Variants in SLIT3 observed in about 807,000 individuals in gnomAD.
The protein encoded by SLIT3 is slit guidance ligand 3, also known as slit homolog 3 protein.
Under a neutral mutation model 184.0 loss-of-function variants are expected in SLIT3, and 68 were observed. The ratio of observed to expected loss-of-function variants is 0.37; its 90% CI spans 0.30 to 0.45. The LOEUF (loss-of-function observed/expected upper bound fraction) is 0.45, where lower values mean the gene tolerates loss of function less well. SLIT3 is among the 20% of genes least tolerant of loss of function. The pLI, the probability that SLIT3 is intolerant of heterozygous loss-of-function variation, is 1.00. For synonymous variants in SLIT3, 831 were observed against 828.6 expected (o/e 1.00, Z -0.05); for missense variants, 1,707 against 2,026.0 (o/e 0.84, Z 3.02).
chr5:169,008,422 G>A (rs142527367), intron 4 of SLIT3, among the ~76,000 whole-genome samples: 2 of 152,284 alleles, frequency 1.3e-5, no homozygotes, highest in African/African-American at 2.4e-5. Context: ...CAGGGGTTTG[G>A]AGAAGAGGCC....
At chr5:169,035,259 T>C (rs1453254565) in intron 4 of SLIT3, among the ~76,000 whole-genome samples, 1 of 152,142 alleles carries the variant, frequency 6.6e-6, no homozygotes, top group Non-Finnish European at 1.5e-5. Flanking sequence ...TCTTGATCAA[T>C]AATATTAACA....
intron 4 of SLIT3, among the ~76,000 whole-genome samples, chr5:169,152,871 C>T (rs977115456): frequency 2.0e-5 from 3 of 152,190 alleles, no homozygotes; most frequent in African/African-American, 7.2e-5. Flanking sequence ...TAAGAACAGG[C>T]ACTCCCACCT....
chr5:169,113,898 C>T (rs1760543146), intron 4 of SLIT3, among the ~76,000 whole-genome samples: 2 of 152,080 alleles, frequency 1.3e-5, no homozygotes, highest in Admixed American at 1.3e-4. Flanking sequence ...TCGTCATCTG[C>T]CCGTCTCAGC....
chr5:169,193,720 G>T lies in SLIT3; in HGVS notation c.342-170C>A, dbSNP rs571720849. On this transcript the variant is annotated intron_variant, in intron 3 of 35. Transcript: ENST00000519560. ...GTAAGGTATATTCCCTGTTGGCGGGGCTTAGAGTCAGGTTGGGAATGCAAA... is the reference window on the plus strand; with the variant it reads ...GTAAGGTATATTCCCTGTTGGCGGGTCTTAGAGTCAGGTTGGGAATGCAAA... 5.9e-5 allele frequency among the ~76,000 whole-genome samples: 9 copies of T among 152,274 alleles called. No homozygotes were observed. The South Asian group carries it at 1.7e-3, about 28-fold the overall frequency.
intron 1 of SLIT3, among the ~76,000 whole-genome samples, chr5:169,282,723 G>A (rs1581136705): frequency 6.6e-6 from 1 of 152,278 alleles, no homozygotes; most frequent in Non-Finnish European, 1.5e-5. Context: ...AGCGATTCTG[G>A]TTCACCTTAA....
chr5:168,859,045 G>C (rs897016558), intron 5 of SLIT3, among the ~76,000 whole-genome samples: 4 of 152,186 alleles, frequency 2.6e-5, no homozygotes, highest in Non-Finnish European at 5.9e-5. Context: ...AGAGAAGTCT[G>C]AACCCACCTG....
chr5:168,896,257 T>G (rs1166318444), intron 4 of SLIT3, among the ~76,000 whole-genome samples: 1 of 152,182 alleles, frequency 6.6e-6, no homozygotes, highest in Non-Finnish European at 1.5e-5. Context: ...TGTCACTTGC[T>G]TGACTGGGCC....
chr5:169,233,764 G>T (rs912965565), intron 3 of SLIT3, among the ~76,000 whole-genome samples: 1 of 151,920 alleles, frequency 6.6e-6, no homozygotes, highest in Admixed American at 6.6e-5. Flanking sequence ...CTTTTTCCTT[G>T]GTTCTGTGGT....
intron 1 of SLIT3, among the ~76,000 whole-genome samples, chr5:169,276,745 G>A (rs747721794): frequency 6.6e-6 from 1 of 152,194 alleles, no homozygotes; most frequent in Non-Finnish European, 1.5e-5. Context: ...TCCCAGTAAG[G>A]CTTGACAAAA....
chr5:169,123,876 A>G (rs571483578), intron 4 of SLIT3, among the ~76,000 whole-genome samples: 1 of 152,250 alleles, frequency 6.6e-6, no homozygotes, highest in East Asian at 1.9e-4. Context: ...GGGCCAAAAA[A>G]CCATAAAGTG....
chr5:169,248,768 A>G (rs1765680753), intron 2 of SLIT3, among the ~76,000 whole-genome samples: 1 of 152,140 alleles, frequency 6.6e-6, no homozygotes, highest in Non-Finnish European at 1.5e-5. Context: ...GAGCCCTTAG[A>G]CTGCCAAGAA....
chr5:168,696,811 C>A (rs963825520), intron 27 of SLIT3, among the ~76,000 whole-genome samples: 4 of 152,144 alleles, frequency 2.6e-5, no homozygotes, highest in Non-Finnish European at 5.9e-5. Context: ...TTCTGAGGCA[C>A]AATCTCTTTT....
intron 5 of SLIT3, among the ~76,000 whole-genome samples, chr5:168,845,327 C>A (rs1758420662): frequency 6.6e-6 from 1 of 152,106 alleles, no homozygotes; most frequent in East Asian, 1.9e-4. Context: ...CATTTTCTGA[C>A]TAAATACAGA....
chr5:169,235,724 A>C (rs1025941958), intron 3 of SLIT3, among the ~76,000 whole-genome samples: 3 of 152,290 alleles, frequency 2.0e-5, no homozygotes. Flanking sequence ...GAGGAGGACT[A>C]TTCAGGTATT....
At chr5:168,939,636 G>A (rs1242613434) in intron 4 of SLIT3, among the ~76,000 whole-genome samples, 3 of 152,184 alleles carry the variant, frequency 2.0e-5, no homozygotes, top group African/African-American at 4.8e-5. Context: ...ACTTTCAGAT[G>A]TACACAATCT....
chr5:168,890,545 T>A (rs1760415107), intron 4 of SLIT3, among the ~76,000 whole-genome samples: 1 of 152,254 alleles, frequency 6.6e-6, no homozygotes, highest in African/African-American at 2.4e-5. Flanking sequence ...TGTTAATTTT[T>A]AAAAATTTAA....
intron 4 of SLIT3, among the ~76,000 whole-genome samples, chr5:168,936,038 T>C (rs1762148289): frequency 6.6e-6 from 1 of 152,204 alleles, no homozygotes; most frequent in South Asian, 2.1e-4. Flanking sequence ...TGTAATTAGT[T>C]TCCCCCACAA....
At chr5:169,214,191 T>C (rs1764360725) in intron 3 of SLIT3, among the ~76,000 whole-genome samples, 2 of 152,222 alleles carry the variant, frequency 1.3e-5, no homozygotes, top group Admixed American at 6.5e-5. Flanking sequence ...TTCTGCCTGA[T>C]ATAAAATAAG....
intron 5 of SLIT3, among the ~76,000 whole-genome samples, chr5:168,857,244 T>A (rs1337607081): frequency 2.0e-5 from 3 of 152,272 alleles, no homozygotes; most frequent in South Asian, 4.1e-4. Flanking sequence ...TCTAATTCCT[T>A]CCCTGATTCC....
Sources: gnomAD v4.1 joint callset for allele counts (sites outside exome capture counted in the v4.1 genomes callset) on GRCh38, gnomAD v4.1.1 for gene constraint, MANE v1.5 for transcripts, NCBI Gene and HGNC (gene_info 2026-07-23, HGNC 2026-07-21) for gene names.